NEB: variants seen among roughly 807,000 people sequenced by gnomAD.
The protein encoded by NEB is nemaline myopathy type 2.
NEB carries 512 observed loss-of-function variants against 952.2 expected under a neutral mutation model. The ratio of observed to expected loss-of-function variants is 0.54; its 90% CI spans 0.50 to 0.58. The LOEUF is 0.58. Among genes scored for constraint, NEB ranks in the 20% least tolerant of loss-of-function variants. The probability of loss-of-function intolerance (pLI) is 0.00; values close to 1 mark genes in which losing one functional copy is unlikely to be tolerated. For synonymous variants in NEB, 2,900 were observed against 3,149.8 expected (o/e 0.92, Z 2.66); for missense variants, 8,428 against 9,231.1 (o/e 0.91, Z 3.56).
chr2:151,670,795 T>C (rs1419708038), intron 38 of NEB, among the ~76,000 whole-genome samples: 2 of 152,210 alleles, frequency 1.3e-5, no homozygotes, highest in African/African-American at 2.4e-5. Context: ...GCTCTCTACA[T>C]TTGGAAAACA....
intron 52 of NEB, among the ~76,000 whole-genome samples, chr2:151,651,415 T>C (rs897202132): frequency 6.6e-6 from 1 of 152,184 alleles, no homozygotes; most frequent in Admixed American, 6.5e-5. Context: ...ACTAAGTAAA[T>C]ACGCCTAATA....
intron 9 of NEB, 74 bp downstream of exon 9, chr2:151,723,308 C>A: frequency 1.0e-6 from 1 of 983,946 alleles, no homozygotes; most frequent in Non-Finnish European, 1.5e-6. Flanking sequence ...TTGCAGTGAC[C>A]ATCTGGCCAG....
At chr2:151,720,111 T>C (rs946136885) in intron 9 of NEB, among the ~76,000 whole-genome samples, 2 of 151,982 alleles carry the variant, frequency 1.3e-5, no homozygotes, top group Non-Finnish European at 2.9e-5. Flanking sequence ...TCTGTTGTTA[T>C]GGAGAATAAT....
chr2:151,704,367 T>G (rs1162350290), intron 13 of NEB, among the ~76,000 whole-genome samples: 28 of 144,254 alleles, frequency 1.9e-4, no homozygotes, highest in African/African-American at 2.6e-4. Context: ...GCAGGCCTCC[T>G]TGAGCTGTGG....
At position 151,669,093 on chromosome 2, in the gene NEB, C is replaced by T; in HGVS notation, c.4545G>A (p.Lys1515=). The change falls in exon 39 of 182, where the codon AAG becomes AAA. Residue 1515 remains lysine (K), a synonymous_variant. Coordinates refer to ENST00000397345, the MANE Select transcript of NEB (RefSeq NM_001164508.2). ...YKVEGEKLKH[K]YTIDPELPQF... is the part of the protein sequence containing the mutation. ...GAGGCAATTCAGGGTCAATAGTATACTTGTGCTTCAGTTTCTCTCCCTCTA... is the reference window on the plus strand; with the variant it reads ...GAGGCAATTCAGGGTCAATAGTATATTTGTGCTTCAGTTTCTCTCCCTCTA... The T allele has an allele frequency of 6.3e-7, 1 of 1,591,810 alleles. No individual in the cohort carries two copies. Among genetic ancestry groups the T allele is most frequent in the Non-Finnish European group, 8.6e-7 (1 of 1,167,746 alleles).
chr2:151,677,255 A>G (rs2099369304), intron 34 of NEB, among the ~76,000 whole-genome samples: 1 of 152,212 alleles, frequency 6.6e-6, no homozygotes, highest in Non-Finnish European at 1.5e-5. Context: ...AATTCTGTGT[A>G]TGTATGTGTT....
intron 153 of NEB, among the ~76,000 whole-genome samples, chr2:151,523,738 G>A (rs1307609950): frequency 5.3e-5 from 8 of 152,202 alleles, no homozygotes; most frequent in Non-Finnish European, 1.2e-4. Context: ...AGATCTGCAA[G>A]AATGTGGCAT....
intron 3 of NEB, among the ~76,000 whole-genome samples, chr2:151,732,136 T>C (rs1205481531): frequency 1.3e-5 from 2 of 152,164 alleles, no homozygotes; most frequent in Admixed American, 1.3e-4. Context: ...TTCAGTCTTA[T>C]TAAAAAGCAC....
intron 116 of NEB, 46 bp from the exon 117 acceptor site, chr2:151,565,194 A>C: frequency 1.0e-6 from 1 of 1,004,076 alleles, no homozygotes; most frequent in Non-Finnish European, 1.5e-6. Flanking sequence ...ATGAATATTA[A>C]ATTTTTATAA....
In NEB at chr2:151,705,201, A is replaced by T. The variant is rs145009109; in HGVS notation, c.1152+1680T>A. 3.3e-3 allele frequency among the ~76,000 whole-genome samples: 495 copies of T among 152,298 alleles called. 1 individual carries two copies. The highest frequency in any genetic ancestry group is 0.011 in the African/African-American group (439 of 41,570). On this transcript the variant is annotated intron_variant, in intron 13 of 181. Transcript: ENST00000397345. ...TATATATATATGAACTGGTACTAAG[A>T]GTTACTACTAACTCTTCTTCTCTGC...
intron 107 of NEB, among the ~76,000 whole-genome samples, chr2:151,572,469 T>A (rs999215755): frequency 1.4e-5 from 2 of 147,208 alleles, no homozygotes; most frequent in African/African-American, 5.0e-5. Context: ...TTTTATGAGA[T>A]TGAATATATA....
At chr2:151,499,741 C>A (rs950575889) in intron 168 of NEB, among the ~76,000 whole-genome samples, 4 of 152,154 alleles carry the variant, frequency 2.6e-5, no homozygotes, top group Non-Finnish European at 5.9e-5. Context: ...ATTTTCTCTA[C>A]AAAAAGCGTT....
At chr2:151,635,566 C>T (rs910534776) in intron 64 of NEB, among the ~76,000 whole-genome samples, 5 of 151,842 alleles carry the variant, frequency 3.3e-5, no homozygotes, top group African/African-American at 9.7e-5. Flanking sequence ...AAATTATGGG[C>T]GTGGTGGTGA....
At chr2:151,553,740 A>T in intron 126 of NEB, 88 bp downstream of exon 126, 1 of 1,283,406 alleles carries the variant, frequency 7.8e-7, no homozygotes, top group Non-Finnish European at 1.1e-6. Flanking sequence ...GAAAAAGGCT[A>T]AGGTAAAGAA....
At chr2:151,541,887 CTT>C (rs1465307578) in intron 135 of NEB, among the ~76,000 whole-genome samples, 4 of 152,182 alleles carry the variant, frequency 2.6e-5, no homozygotes, top group Non-Finnish European at 5.9e-5. Context: ...CCAATCCCCT[CTT>C]TTCACCTGCA....
rs1239591736 is a variant in NEB at position 151,529,332 on chromosome 2, G to A, written c.21631-18C>T. 1.4e-5 allele frequency: 21 copies of A among 1,507,440 alleles called. No homozygotes were observed. The highest frequency in any genetic ancestry group is 1.9e-5 in the Non-Finnish European group (21 of 1,082,984). 93.4% of individuals were successfully genotyped at this position (1,507,440 alleles called of 1,614,324 possible). ...TATTTCAGCTGTGGGAGGAAACACA[G>A]TGACAAGATTAATTTTTTTATAGCA... On this transcript the variant is annotated intron_variant, in intron 145 of 181. Coordinates refer to ENST00000397345, the MANE Select transcript of NEB (RefSeq NM_001164508.2).
intron 142 of NEB, among the ~76,000 whole-genome samples, chr2:151,534,849 G>A (rs1050624906): frequency 6.6e-6 from 1 of 152,176 alleles, no homozygotes; most frequent in Non-Finnish European, 1.5e-5. Flanking sequence ...ATTCTTCAGG[G>A]TTGTCCAGTC....
intron 28 of NEB, 60 bp from the exon 29 acceptor site, chr2:151,682,829 A>C (rs1262539211): frequency 1.4e-6 from 2 of 1,419,044 alleles, no homozygotes; most frequent in Non-Finnish European, 2.0e-6. Flanking sequence ...ATGTAAAATC[A>C]TCAAAGTTTT....
intron 110 of NEB, among the ~76,000 whole-genome samples, 173 bp from the exon 111 acceptor site, chr2:151,568,889 A>G (rs2096530432): frequency 6.6e-6 from 1 of 152,234 alleles, no homozygotes; most frequent in South Asian, 2.1e-4. Flanking sequence ...AAACAAATGC[A>G]TCAGCTTCTT....
Sources: allele counts gnomAD v4.1 joint callset (sites outside exome capture counted in the v4.1 genomes callset), GRCh38; gene constraint gnomAD v4.1.1; transcripts MANE v1.5; gene names NCBI Gene and HGNC (gene_info 2026-07-23, HGNC 2026-07-21).